Variants in ZNF385B observed in about 807,000 individuals in gnomAD.
The protein encoded by ZNF385B is zinc finger protein 385B, also known as zinc finger protein 533.
A neutral mutation model predicts 39.2 loss-of-function variants in ZNF385B; 23 were observed. The observed-to-expected ratio is 0.59, with a 90% CI of 0.42 to 0.83. The LOEUF (loss-of-function observed/expected upper bound fraction) is 0.83, where lower values mean the gene tolerates loss of function less well. Ranked by LOEUF, ZNF385B falls within the 40% of genes least tolerant of loss-of-function variation. ZNF385B has a pLI of 0.00. For missense variants in ZNF385B, 552 were observed against 598.9 expected (o/e 0.92, Z 0.82); for synonymous variants, 205 against 222.6 (o/e 0.92, Z 0.70).
intron 1 of ZNF385B, among the ~76,000 whole-genome samples, chr2:179,818,797 T>A (rs1243618171): frequency 6.6e-6 from 1 of 152,160 alleles, no homozygotes; most frequent in Non-Finnish European, 1.5e-5. Flanking sequence ...AGAAAGGTTC[T>A]CATCCTCAGT....
chr2:179,745,220 C>T (rs918517975), intron 3 of ZNF385B, among the ~76,000 whole-genome samples: 3 of 152,108 alleles, frequency 2.0e-5, no homozygotes, highest in African/African-American at 4.8e-5. Flanking sequence ...TCTAGCTTCA[C>T]AAGTTGTCAA....
rs762392705 is a variant in ZNF385B at position 179,769,570 on chromosome 2, C to T, written c.231G>A (p.Val77=). The T allele has an allele frequency of 3.5e-5, 57 of 1,614,072 alleles. 1 individual carries two copies. The Admixed American group carries it at 9.2e-4, about 26-fold the overall frequency. ...GGGGCTGCCCATCACTCAGCTGCTTCACTCGTTTGCGGTGGGATTTGCCGT... is the reference window on the plus strand; with the variant it reads ...GGGGCTGCCCATCACTCAGCTGCTTTACTCGTTTGCGGTGGGATTTGCCGT... ...HSNGKSHRKR[V]KQLSDGQPPP... The change falls in exon 3 of 10, where the codon GTG becomes GTA. Residue 77 remains valine, a synonymous_variant. Coordinates refer to ENST00000410066, the MANE Select transcript of ZNF385B (RefSeq NM_152520.6).
At chr2:179,802,984 C>T (rs984319504) in intron 1 of ZNF385B, among the ~76,000 whole-genome samples, 46 of 152,120 alleles carry the variant, frequency 3.0e-4, no homozygotes, top group African/African-American at 9.7e-4. Flanking sequence ...ATATCACTGA[C>T]TACATGTCAC....
chr2:179,607,908 C>CTTTTTT (rs71029822), intron 3 of ZNF385B, among the ~76,000 whole-genome samples: 3 of 97,466 alleles, frequency 3.1e-5, no homozygotes, highest in Non-Finnish European at 3.9e-5. Flanking sequence ...CTCAGAAACT[C>CTTTTTT]TTTTTTTTTT....
At chr2:179,518,345 A>C (rs2058234810) in intron 5 of ZNF385B, among the ~76,000 whole-genome samples, 183 bp downstream of exon 5, 1 of 152,150 alleles carries the variant, frequency 6.6e-6, no homozygotes, top group Non-Finnish European at 1.5e-5. Context: ...GGCCAACCAT[A>C]CTCTATTGTT....
intron 5 of ZNF385B, among the ~76,000 whole-genome samples, chr2:179,489,554 A>G (rs1031522514): frequency 2.6e-5 from 4 of 152,256 alleles, no homozygotes; most frequent in Non-Finnish European, 5.9e-5. Flanking sequence ...ATAGTTAAAC[A>G]TACTAAGAAA....
chr2:179,562,474 T>A, intron 3 of ZNF385B: 1 of 985,372 alleles, frequency 1.0e-6, no homozygotes, highest in Non-Finnish European at 1.2e-6. Flanking sequence ...TAAAAGTAAA[T>A]AATTCCATCA....
At chr2:179,601,940 G>C (rs1172163549) in intron 3 of ZNF385B, among the ~76,000 whole-genome samples, 1 of 152,036 alleles carries the variant, frequency 6.6e-6, no homozygotes, top group Non-Finnish European at 1.5e-5. Context: ...GAGTCAACAA[G>C]AAAAAGATTT....
intron 7 of ZNF385B, 114 bp downstream of exon 7, chr2:179,446,411 A>G (rs1254783659): frequency 7.1e-7 from 1 of 1,401,272 alleles, no homozygotes; most frequent in Admixed American, 2.5e-5. Flanking sequence ...GAATCAAAAA[A>G]GTAGAGAAGC....
chr2:179,663,430 G>C (rs1233761697), intron 3 of ZNF385B, among the ~76,000 whole-genome samples: 1 of 152,134 alleles, frequency 6.6e-6, no homozygotes, highest in Non-Finnish European at 1.5e-5. Context: ...TCTCATGAAC[G>C]CTAGGCGCGG....
At chr2:179,471,393 G>T (rs2052761219) in intron 6 of ZNF385B, among the ~76,000 whole-genome samples, 1 of 152,132 alleles carries the variant, frequency 6.6e-6, no homozygotes, top group Admixed American at 6.5e-5. Flanking sequence ...GGGCTCTGTG[G>T]ACTTCCAAGA....
chr2:179,688,174 G>T (rs1177829030), intron 3 of ZNF385B, among the ~76,000 whole-genome samples: 1 of 152,108 alleles, frequency 6.6e-6, no homozygotes, highest in Non-Finnish European at 1.5e-5. Context: ...TAGAAAGAAA[G>T]CAGGTATATG....
intron 3 of ZNF385B, among the ~76,000 whole-genome samples, chr2:179,602,153 A>G (rs10189808): frequency 0.16 from 24,468 of 152,214 alleles, 2,383 homozygotes; most frequent in African/African-American, 0.25. Context: ...AGAACTGTCC[A>G]CTAAGAAAAG....
At chr2:179,852,279 G>T (rs924145400) in intron 1 of ZNF385B, among the ~76,000 whole-genome samples, 6 of 152,206 alleles carry the variant, frequency 3.9e-5, no homozygotes, top group Non-Finnish European at 8.8e-5. Flanking sequence ...GAAGGAAAAA[G>T]CAGCCTGCAG....
intron 3 of ZNF385B, among the ~76,000 whole-genome samples, chr2:179,621,732 T>C (rs1690235659): frequency 6.6e-6 from 1 of 152,176 alleles, no homozygotes; most frequent in Non-Finnish European, 1.5e-5. Context: ...AGTCGCCCCT[T>C]TGGGATTATG....
At chr2:179,569,426 G>A (rs1003750771) in intron 3 of ZNF385B, among the ~76,000 whole-genome samples, 2 of 152,180 alleles carry the variant, frequency 1.3e-5, no homozygotes, top group Non-Finnish European at 2.9e-5. Context: ...GTAACTTTAT[G>A]AAGCAGTTCT....
Position 179,443,219 on chromosome 2 carries a change from C to G in ZNF385B, c.*31G>C, listed in dbSNP as rs748864589. ...TGTGGCTTTCTTTCTCAACTTCCTA[C>G]TGGCCTCAAACGTCTTGGGGTTTGC... On this transcript the variant is annotated 3_prime_UTR_variant, in exon 10 of 10. Transcript: ENST00000410066. 6.8e-6 allele frequency: 11 copies of G among 1,610,836 alleles called. No individual in the cohort carries two copies. Among genetic ancestry groups the G allele is most frequent in the Non-Finnish European group, 7.6e-6 (9 of 1,179,050 alleles).
Position 179,604,678 on chromosome 2 carries a change from CTT to C in ZNF385B, c.299-59711_299-59710del, listed in dbSNP as rs914592148. Among the ~76,000 whole-genome samples, 49 of 151,834 alleles carry C rather than the reference CTT, an allele frequency of 3.2e-4. 1 individual carries two copies. Among genetic ancestry groups the C allele is most frequent in the African/African-American group, 1.2e-3 (49 of 41,378 alleles). On this transcript the variant is annotated intron_variant, in intron 3 of 9. Transcript: ENST00000410066. ...AATATTTATAAACTGTATTACAAGA[CTT>C]ATATAGATATTAATTTGTTGCAAAG...
At chr2:179,646,612 T>C (rs1559026452) in intron 3 of ZNF385B, among the ~76,000 whole-genome samples, 1 of 151,900 alleles carries the variant, frequency 6.6e-6, no homozygotes, top group Non-Finnish European at 1.5e-5. Context: ...ACTTGCTGCC[T>C]GTAAAACCTT....
Sources: allele counts gnomAD v4.1 joint callset (sites outside exome capture counted in the v4.1 genomes callset), GRCh38; gene constraint gnomAD v4.1.1; transcripts MANE v1.5; gene names NCBI Gene and HGNC (gene_info 2026-07-23, HGNC 2026-07-21).